KIF26A: variants seen among roughly 807,000 people sequenced by gnomAD.
KIF26A encodes the protein kinesin family member 26A, also known as kinesin-like protein KIF26A.
A neutral mutation model predicts 126.0 loss-of-function variants in KIF26A; 74 were observed. The observed-to-expected ratio is 0.59, with a 90% CI of 0.49 to 0.71. The LOEUF is 0.71. KIF26A is among the 30% of genes least tolerant of loss of function. The pLI, the probability that KIF26A is intolerant of heterozygous loss-of-function variation, is 0.00. For missense variants in KIF26A, 2,984 were observed against 2,763.3 expected (o/e 1.08, Z -1.79); for synonymous variants, 1,445 against 1,232.7 (o/e 1.17, Z -3.61).
chr14:104,176,364 C>T lies in KIF26A; in HGVS notation c.3576C>T (p.Pro1192=). ...CCCCATCCCGACCCGGCAGGGAGCC[C>T]CAGGCCGGGCCCTCGCGGTGGGCAT... The part of the protein sequence containing the change: ...AVAPSRPGRE[P]QAGPSRWASA... Residue 1192 remains proline (P), a synonymous_variant, in exon 12 of 15, where the codon CCC becomes CCT. Transcript: ENST00000423312. 2 of 1,582,594 alleles carry T rather than the reference C, an allele frequency of 1.3e-6. No individual in the cohort carries two copies. Among genetic ancestry groups the T allele is most frequent in the Non-Finnish European group, 1.7e-6 (2 of 1,161,526 alleles).
chr14:104,140,524 T>C (rs2037628020), intron 2 of KIF26A, among the ~76,000 whole-genome samples: 1 of 152,210 alleles, frequency 6.6e-6, no homozygotes, highest in South Asian at 2.1e-4. Context: ...TGAGCTGGTC[T>C]CCTCATTCTT....
At chr14:104,160,376 G>T (rs945060588) in intron 4 of KIF26A, among the ~76,000 whole-genome samples, 1 of 152,198 alleles carries the variant, frequency 6.6e-6, no homozygotes, top group African/African-American at 2.4e-5. Flanking sequence ...CCTTTCAGTG[G>T]CCTCTGGGCT....
At chr14:104,178,145 G>C (rs919735937) in intron 12 of KIF26A, among the ~76,000 whole-genome samples, 3 of 151,802 alleles carry the variant, frequency 2.0e-5, no homozygotes, top group African/African-American at 7.3e-5. Flanking sequence ...CTGCCCTGGG[G>C]GGCTGATCCT....
At chr14:104,164,715 G>A (rs1406189385) in intron 4 of KIF26A, among the ~76,000 whole-genome samples, 3 of 147,892 alleles carry the variant, frequency 2.0e-5, no homozygotes, top group Non-Finnish European at 4.6e-5. Context: ...ATGTGTGTGA[G>A]TGTGTGTGCG....
chr14:104,158,683 C>G (rs1012037820), intron 4 of KIF26A, among the ~76,000 whole-genome samples: 1 of 152,214 alleles, frequency 6.6e-6, no homozygotes, highest in Non-Finnish European at 1.5e-5. Context: ...GCACCAGGTC[C>G]TTGCCGACTG....
At chr14:104,143,221 C>T (rs546601422) in intron 2 of KIF26A, among the ~76,000 whole-genome samples, 61 of 152,340 alleles carry the variant, frequency 4.0e-4, no homozygotes, top group Non-Finnish European at 6.3e-4. Flanking sequence ...CTGTTGGTGC[C>T]GCCTGCTGGT....
rs894014544 is a variant in KIF26A at position 104,179,590 on chromosome 14, C to G, written c.5468-19C>G. The stretch of plus-strand genomic sequence containing the variant: ...TCGGGCCTGACGCAGGTGCCCCTCC[C>G]CTCTCCTCCCCTCCCCAGTTGAGGT... On this transcript the variant is annotated intron_variant, in intron 14 of 14. Transcript: ENST00000423312. 2.7e-6 allele frequency: 4 copies of G among 1,496,372 alleles called. No individual in the cohort carries two copies. The highest frequency in any genetic ancestry group is 3.6e-6 in the Non-Finnish European group (4 of 1,117,200). 92.7% of individuals were successfully genotyped at this position (1,496,372 alleles called of 1,614,324 possible).
Position 104,152,218 on chromosome 14 carries a change from C to A in KIF26A, c.492C>A (p.Pro164=), listed in dbSNP as rs777478970. The A allele has an allele frequency of 5.6e-5, 89 of 1,601,630 alleles. No individual in the cohort carries two copies. The highest frequency in any genetic ancestry group is 6.6e-5 in the Non-Finnish European group (78 of 1,175,918). ...ATGGAGGCCCCAGCCTCGCACCCCC[C>A]AGCACCACGACCAGCTCGAGGGACA... ...APHGGPSLAP[P]STTTSSRDTP... The change falls in exon 3 of 15, where the codon CCC becomes CCA. Residue 164 remains proline (P), a synonymous_variant. Coordinates refer to ENST00000423312, the MANE Select transcript of KIF26A (RefSeq NM_015656.2). The surrounding 1 kb of genome is among the most constrained non-coding windows in gnomAD (Gnocchi z 5.9).
At chr14:104,158,863 C>A (rs1037024812) in intron 4 of KIF26A, among the ~76,000 whole-genome samples, 1 of 152,194 alleles carries the variant, frequency 6.6e-6, no homozygotes, top group East Asian at 1.9e-4. Flanking sequence ...TGTAAGGATG[C>A]GGATTACAGG....
chr14:104,159,108 A>G (rs1341273554), intron 4 of KIF26A, among the ~76,000 whole-genome samples: 1 of 152,214 alleles, frequency 6.6e-6, no homozygotes, highest in African/African-American at 2.4e-5. Context: ...TGAGCACACC[A>G]TCGCGTTGGA....
At chr14:104,163,271 G>A (rs534624151) in intron 4 of KIF26A, among the ~76,000 whole-genome samples, 13 of 152,286 alleles carry the variant, frequency 8.5e-5, no homozygotes, top group African/African-American at 2.4e-4. Flanking sequence ...CTCCCTGCCC[G>A]CTATGGGGGC....
Position 104,179,892 on chromosome 14 carries a change from G to C in KIF26A, c.*102G>C. On this transcript the variant is annotated 3_prime_UTR_variant, in exon 15 of 15. Transcript: ENST00000423312. ...GGGGCTGCGGGGGGAGGATGCGGAG[G>C]GGTTTCTGTGCAGGACGGGAGTCTC... 6.5e-6 allele frequency: 8 copies of C among 1,225,628 alleles called. No homozygotes were observed. The highest frequency in any genetic ancestry group is 8.8e-6 in the Non-Finnish European group (8 of 904,508). 75.9% of individuals were successfully genotyped at this position (1,225,628 alleles called of 1,614,324 possible). A position where few individuals can be genotyped will look rare whatever the true frequency, so the allele number is the denominator to read the frequency against.
At chr14:104,168,884 TGGG>T (rs1227262098) in intron 5 of KIF26A, among the ~76,000 whole-genome samples, 2 of 137,004 alleles carry the variant, frequency 1.5e-5, no homozygotes, top group African/African-American at 5.6e-5. Flanking sequence ...GAAGCAGAGT[TGGG>T]GGACTAGGCC....
chr14:104,176,476 C>G lies in KIF26A; in HGVS notation c.3688C>G (p.Gln1230Glu). The G allele has an allele frequency of 1.2e-6, 2 of 1,606,954 alleles. No homozygotes were observed. Among genetic ancestry groups the G allele is most frequent in the Non-Finnish European group, 1.7e-6 (2 of 1,179,522 alleles). Reference protein sequence around the residue: ...TTRVGCARLGQSPPGRGGLFE... With the variant: ...TTRVGCARLGESPPGRGGLFE... ...CCGTGTGGGCTGTGCTCGCCTGGGC[C>G]AGAGCCCACCTGGCCGTGGAGGCCT... The change falls in exon 12 of 15, where the codon CAG becomes GAG. Residue 1230 changes from glutamine to glutamate, a missense_variant. Gln to Glu is a conservative substitution (Grantham distance 29, BLOSUM62 2). Transcript: ENST00000423312.
At chr14:104,178,465 G>A (rs879761824) in intron 12 of KIF26A, 85 bp from the exon 13 acceptor site, 35 of 1,040,924 alleles carry the variant, frequency 3.4e-5, no homozygotes, top group Admixed American at 2.9e-4. Context: ...GTCAGGACTC[G>A]GGCCGGCTCC....
rs2038022767 is a variant in KIF26A, at chr14:104,176,133, CGAGG to C, written c.3346_3349del (p.Glu1116SerfsTer131). On this transcript the variant is annotated frameshift_variant, in exon 12 of 15. Coordinates refer to ENST00000423312, the MANE Select transcript of KIF26A (RefSeq NM_015656.2). LOFTEE classifies it high-confidence loss of function. The stretch of plus-strand genomic sequence containing the variant: ...GCTCCTCCATCAGCTCCTGGCTCAG[CGAGG>C]TCAGCGTCTGCACTGCCGACAGCCG... The C allele has an allele frequency of 6.3e-7, 1 of 1,580,176 alleles. No individual in the cohort carries two copies. Among genetic ancestry groups the C allele is most frequent in the Non-Finnish European group, 8.6e-7 (1 of 1,164,156 alleles).
chr14:104,171,863 C>T lies in KIF26A; in HGVS notation c.1254C>T (p.Pro418=). 2 of 1,555,322 alleles carry T rather than the reference C, an allele frequency of 1.3e-6. No homozygotes were observed. Among genetic ancestry groups the T allele is most frequent in the Non-Finnish European group, 8.7e-7 (1 of 1,150,546 alleles). The change falls in exon 6 of 15, where the codon CCC becomes CCT. Residue 418 remains proline (P), a synonymous_variant. Transcript: ENST00000423312. ...CCGGTCCCCCAGGCAGCGCAGGCCC[C>T]CGGCGAGCCGCCACTGCTGCAGTTC... ...PAAGPPGSAG[P]RRAATAAVPK...
Position 104,151,873 on chromosome 14 carries a change from T to G in KIF26A, c.289-142T>G. 3 of 680,416 alleles carry G rather than the reference T, an allele frequency of 4.4e-6. No individual in the cohort carries two copies. The highest frequency in any genetic ancestry group is 5.4e-5 in the East Asian group (2 of 36,976). 42.1% of individuals were successfully genotyped at this position (680,416 alleles called of 1,614,324 possible). On this transcript the variant is annotated intron_variant, in intron 2 of 14. Transcript: ENST00000423312. This position sits in a 1 kb window ranked among gnomAD's most constrained non-coding sequence, Gnocchi z 4.9. Reference sequence around the variant, plus strand: ...CTGGGCTTGTGTGGGTGAAAGTGTTTGGGCTTATTAATCTGTTACGGATGG... The same window carrying G: ...CTGGGCTTGTGTGGGTGAAAGTGTTGGGGCTTATTAATCTGTTACGGATGG...
Position 104,175,323 on chromosome 14 carries a change from G to A in KIF26A, c.2535G>A (p.Gln845=). 6.2e-7 allele frequency: 1 copy of A among 1,603,922 alleles called. No individual in the cohort carries two copies. The highest frequency in any genetic ancestry group is 1.1e-5 in the South Asian group (1 of 90,940). Residue 845 remains glutamine, a synonymous_variant, in exon 12 of 15, where the codon CAG becomes CAA. Coordinates refer to ENST00000423312, the MANE Select transcript of KIF26A (RefSeq NM_015656.2). ...HFRCSTFAEL[Q]ERLECMDGNE... ...GCTGCAGCACCTTCGCGGAGCTGCA[G>A]GAGCGGCTGGAATGCATGGACGGCA... is the stretch of plus-strand genomic sequence containing the variant.
Sources: gnomAD v4.1 joint callset for allele counts (sites outside exome capture counted in the v4.1 genomes callset) on GRCh38, gnomAD v4.1.1 for gene constraint, Gnocchi (gnomAD v3.1) non-coding constraint, MANE v1.5 for transcripts, NCBI Gene and HGNC (gene_info 2026-07-23, HGNC 2026-07-21) for gene names.